The following ATXN2 variants were observed in gnomAD, a reference collection of about 807,000 sequenced individuals.
ATXN2 encodes the protein ataxin 2, also known as ataxin-2.
A neutral mutation model predicts 138.6 loss-of-function variants in ATXN2; 37 were observed. The ratio of observed to expected loss-of-function variants is 0.27; its 90% CI spans 0.21 to 0.35. The LOEUF is 0.35. ATXN2 is among the 10% of genes least tolerant of loss of function. The probability of loss-of-function intolerance (pLI) is 1.00; values close to 1 mark genes in which losing one functional copy is unlikely to be tolerated. For missense variants in ATXN2, 1,216 were observed against 1,480.3 expected (o/e 0.82, Z 2.93); for synonymous variants, 549 against 543.7 (o/e 1.01, Z -0.13).
At chr12:111,510,287 A>G in intron 12 of ATXN2, 98 bp downstream of exon 12, 2 of 1,317,820 alleles carry the variant, frequency 1.5e-6, no homozygotes, top group East Asian at 2.3e-5. Context: ...ATACTTGTCT[A>G]TGAATAAAAA....
chr12:111,535,827 C>T (rs1318660227), intron 5 of ATXN2, among the ~76,000 whole-genome samples: 2 of 151,224 alleles, frequency 1.3e-5, no homozygotes, highest in South Asian at 2.1e-4. Flanking sequence ...GGTGAAACCC[C>T]GTCTCTACTA....
chr12:111,556,630 A>C (rs555540259), intron 1 of ATXN2, among the ~76,000 whole-genome samples: 28 of 152,138 alleles, frequency 1.8e-4, no homozygotes, highest in Admixed American at 5.9e-4. Context: ...ATCCTGGCTA[A>C]CACAGTGAAA....
intron 8 of ATXN2, 68 bp downstream of exon 8, chr12:111,519,811 A>G: frequency 6.2e-7 from 1 of 1,607,926 alleles, no homozygotes; most frequent in Admixed American, 1.7e-5. Context: ...ATATAATAAC[A>G]ATACACCGTC....
intron 1 of ATXN2, among the ~76,000 whole-genome samples, chr12:111,578,013 T>C (rs1286646615): frequency 1.8e-5 from 1 of 54,660 alleles, no homozygotes; most frequent in African/African-American, 6.4e-5. Context: ...CTGGCCAACA[T>C]GGTGAAACCC....
chr12:111,462,170 A>C (rs1412233986), intron 21 of ATXN2, among the ~76,000 whole-genome samples: 1 of 152,212 alleles, frequency 6.6e-6, no homozygotes, highest in Admixed American at 6.5e-5. Flanking sequence ...GTCTTCATAA[A>C]ATCTTTTAGA....
At chr12:111,538,605 G>A (rs1323222469) in intron 5 of ATXN2, among the ~76,000 whole-genome samples, 2 of 148,946 alleles carry the variant, frequency 1.3e-5, no homozygotes, top group African/African-American at 4.9e-5. Context: ...CATCTGCCTT[G>A]GCCTCCCAAA....
chr12:111,545,976 A>G (rs1881780409), intron 5 of ATXN2, among the ~76,000 whole-genome samples: 1 of 151,876 alleles, frequency 6.6e-6, no homozygotes, highest in South Asian at 2.1e-4. Flanking sequence ...AAAAAAAAAA[A>G]AAAGATGGCA....
At chr12:111,457,104 G>A (rs1249103014) in intron 22 of ATXN2, 110 bp downstream of exon 22, 3 of 1,327,658 alleles carry the variant, frequency 2.3e-6, no homozygotes, top group Admixed American at 2.4e-5. Context: ...CCATCTTCAC[G>A]AGGGTGGACA....
chr12:111,468,257 T>C (rs1876164473), intron 20 of ATXN2: 1 of 152,246 alleles, frequency 6.6e-6, no homozygotes, highest in Non-Finnish European at 1.5e-5. Flanking sequence ...ACAAGTCAAA[T>C]GACGGGGTCA....
At chr12:111,572,011 CAAAA>C (rs10632970) in intron 1 of ATXN2, among the ~76,000 whole-genome samples, 1 of 89,718 alleles carries the variant, frequency 1.1e-5, no homozygotes, top group Non-Finnish European at 2.3e-5. Flanking sequence ...GACTCTGTCT[CAAAA>C]AAAAAAAAAA....
intron 18 of ATXN2, among the ~76,000 whole-genome samples, chr12:111,482,579 G>A (rs544421095): frequency 6.6e-6 from 1 of 152,154 alleles, no homozygotes; most frequent in South Asian, 2.1e-4. Context: ...TGTCATGCTT[G>A]CTCTTACTAC....
chr12:111,520,151 T>C, intron 7 of ATXN2, 75 bp from the exon 8 acceptor site: 2 of 1,526,356 alleles, frequency 1.3e-6, no homozygotes, highest in Non-Finnish European at 1.8e-6. Flanking sequence ...AATCAACTAC[T>C]AAGAAAGTTT....
intron 14 of ATXN2, among the ~76,000 whole-genome samples, chr12:111,505,883 GCA>G (rs780065055): frequency 6.6e-5 from 10 of 152,194 alleles, no homozygotes; most frequent in East Asian, 1.9e-4. Flanking sequence ...GAAAAAAACT[GCA>G]CACTCATGTT....
At chr12:111,570,201 G>A (rs1217484631) in intron 1 of ATXN2, among the ~76,000 whole-genome samples, 2 of 151,936 alleles carry the variant, frequency 1.3e-5, no homozygotes. Flanking sequence ...TTCCTGACAG[G>A]AAACTCAAGT....
chr12:111,581,419 C>T, intron 1 of ATXN2: 1 of 736,540 alleles, frequency 1.4e-6, no homozygotes, highest in Non-Finnish European at 2.5e-6. Flanking sequence ...CTGCCAACAT[C>T]GGCCATCCCC....
chr12:111,586,365 G>A (rs972570909), intron 1 of ATXN2, among the ~76,000 whole-genome samples: 8 of 149,332 alleles, frequency 5.4e-5, no homozygotes, highest in African/African-American at 1.7e-4. Flanking sequence ...GGGATTACAG[G>A]CGCCCGCCCA....
In ATXN2 at chr12:111,598,663, G is replaced by A; in HGVS notation, c.251+121C>T. 3.4e-6 allele frequency: 3 copies of A among 890,820 alleles called. No individual in the cohort carries two copies. Among genetic ancestry groups the A allele is most frequent in the Non-Finnish European group, 4.1e-6 (3 of 737,828 alleles). The allele number at this position is 890,820 out of a possible 1,614,324, so 55.2% of individuals were successfully genotyped here. ...TCAGGCCCGAGCGAGTCTCCCCCGC[G>A]CTGCCGGCCCCCAGCCCACCCCGGG... On this transcript the variant is annotated intron_variant, in intron 1 of 24. Coordinates refer to ENST00000673436, the MANE Select transcript of ATXN2 (RefSeq NM_001372574.1). This position sits in a 1 kb window ranked among gnomAD's most constrained non-coding sequence, Gnocchi z 4.5.
At chr12:111,537,582 CAA>C (rs751737186) in intron 5 of ATXN2, among the ~76,000 whole-genome samples, 5 of 96,730 alleles carry the variant, frequency 5.2e-5, no homozygotes, top group Admixed American at 1.2e-4. Context: ...GACTCTGTTT[CAA>C]AAAAAAAAAA....
At chr12:111,491,597 T>C (rs1031258916) in intron 14 of ATXN2, among the ~76,000 whole-genome samples, 1 of 152,232 alleles carries the variant, frequency 6.6e-6, no homozygotes, top group Non-Finnish European at 1.5e-5. Context: ...TTCTGAAGCC[T>C]CAATTCTAGG....
Sources: gnomAD v4.1 joint callset for allele counts (sites outside exome capture counted in the v4.1 genomes callset) on GRCh38, gnomAD v4.1.1 for gene constraint, Gnocchi (gnomAD v3.1) non-coding constraint, MANE v1.5 for transcripts, NCBI Gene and HGNC (gene_info 2026-07-23, HGNC 2026-07-21) for gene names.